WDPCP: variants seen among roughly 807,000 people sequenced by gnomAD.
The protein encoded by WDPCP is WD repeat-containing and planar cell polarity effector protein fritz homolog.
WDPCP carries 71 observed loss-of-function variants against 93.1 expected under a neutral mutation model. The ratio of observed to expected loss-of-function variants is 0.76; its 90% confidence interval spans 0.63 to 0.93. The LOEUF (loss-of-function observed/expected upper bound fraction) is 0.93, where lower values mean the gene tolerates loss of function less well. Ranked by LOEUF, WDPCP falls within the 40% of genes least tolerant of loss-of-function variation. WDPCP has a pLI of 0.00. For synonymous variants in WDPCP, 315 were observed against 315.0 expected (o/e 1.00, Z 0.00); for missense variants, 844 against 887.4 (o/e 0.95, Z 0.62).
intron 2 of WDPCP, among the ~76,000 whole-genome samples, chr2:63,492,062 T>G (rs1700910583): frequency 1.2e-5 from 1 of 81,012 alleles, no homozygotes; most frequent in African/African-American, 5.6e-5. Flanking sequence ...TCTTTATACA[T>G]TTTAAAGCAG....
chr2:63,153,206 A>C, intron 16 of WDPCP: 3 of 555,116 alleles, frequency 5.4e-6, no homozygotes, highest in Admixed American at 3.3e-5. Flanking sequence ...ATATCACTTG[A>C]GAGCTTATTA....
At chr2:63,457,606 A>G (rs1698710364) in intron 6 of WDPCP, among the ~76,000 whole-genome samples, 1 of 152,218 alleles carries the variant, frequency 6.6e-6, no homozygotes, top group Admixed American at 6.5e-5. Flanking sequence ...ATAATATATC[A>G]TGATCAAGAA....
chr2:63,382,004 C>G lies in WDPCP; in HGVS notation c.1526G>C (p.Ser509Thr). 6.2e-7 allele frequency: 1 copy of G among 1,613,516 alleles called. No homozygotes were observed. The highest frequency in any genetic ancestry group is 2.2e-5 in the East Asian group (1 of 44,788). ...DEIYEAINIL[S>T]SMNWDTLGHQ... is the part of the protein sequence containing the mutation. ...GCCCAGAGTGTCCCAGTTCATGCTG[C>G]TCAGGATGTTTATTGCCTCATAGAT... Residue 509 changes from serine (S) to threonine (T), a missense_variant, in exon 11 of 18, where the codon AGC becomes ACC. Physicochemically the swap from Ser to Thr is moderately conservative, Grantham distance 58. Coordinates refer to ENST00000272321, the MANE Select transcript of WDPCP (RefSeq NM_015910.7).
chr2:63,271,837 C>A (rs1308511420), intron 13 of WDPCP, among the ~76,000 whole-genome samples: 4 of 152,196 alleles, frequency 2.6e-5, no homozygotes, highest in African/African-American at 9.7e-5. Flanking sequence ...CATCAACCTA[C>A]ATGTGCCACC....
chr2:63,703,210 G>A (rs1160276445), intron 2 of WDPCP, among the ~76,000 whole-genome samples: 1 of 152,180 alleles, frequency 6.6e-6, no homozygotes, highest in South Asian at 2.1e-4. Flanking sequence ...ATAGCAGCAT[G>A]ATTTATAATC....
chr2:63,758,341 G>A lies in WDPCP; in HGVS notation n.308+55281C>T, dbSNP rs373151599. Among the ~76,000 whole-genome samples the A allele has an allele frequency of 7.2e-5, 11 of 151,972 alleles. 1 individual carries two copies. In the East Asian group the frequency reaches 7.7e-4, roughly 11 times the overall value. ...GGAGAGAAAAACACTGAAATTATGA[G>A]GGCCTCAATGAAAGTTTACCAAAAA... On this transcript the variant is annotated intron_variant and non_coding_transcript_variant, in intron 2 of 4. Transcript: ENST00000467687.
At chr2:63,775,092 G>A (rs539508106) in intron 2 of WDPCP, among the ~76,000 whole-genome samples, 66 of 152,258 alleles carry the variant, frequency 4.3e-4, no homozygotes, top group African/African-American at 1.6e-3. Context: ...TCAACAAGCA[G>A]CATAGAAAAG....
At chr2:63,747,387 C>A (rs890463812) in intron 2 of WDPCP, among the ~76,000 whole-genome samples, 3 of 151,840 alleles carry the variant, frequency 2.0e-5, no homozygotes, top group Non-Finnish European at 4.4e-5. Context: ...GGATATTTTC[C>A]TATGTATTTT....
chr2:63,496,083 TTA>T (rs1701207151), intron 1 of WDPCP, among the ~76,000 whole-genome samples: 1 of 152,308 alleles, frequency 6.6e-6, no homozygotes, highest in African/African-American at 2.4e-5. Flanking sequence ...ATTCTTCAAT[TTA>T]GTTTTTATTC....
At chr2:63,523,937 T>C (rs1201758815) in intron 1 of WDPCP, among the ~76,000 whole-genome samples, 1 of 151,892 alleles carries the variant, frequency 6.6e-6, no homozygotes, top group Non-Finnish European at 1.5e-5. Context: ...AAAAGCAATG[T>C]ATAAAAATCA....
At chr2:63,605,292 C>T (rs1370337849) in intron 3 of WDPCP, 3 of 1,612,482 alleles carry the variant, frequency 1.9e-6, no homozygotes, top group Non-Finnish European at 2.5e-6. Context: ...TGTGCAGCAG[C>T]GTGGCGCTGC....
intron 17 of WDPCP, among the ~76,000 whole-genome samples, chr2:63,136,996 T>C (rs1670667525): frequency 6.6e-6 from 1 of 152,230 alleles, no homozygotes; most frequent in Non-Finnish European, 1.5e-5. Context: ...GTCTTTGCTA[T>C]TGTGACTAGT....
intron 15 of WDPCP, among the ~76,000 whole-genome samples, chr2:63,159,436 A>G (rs748874409): frequency 2.4e-4 from 36 of 152,200 alleles, no homozygotes; most frequent in Non-Finnish European, 3.7e-4. Context: ...AAAGTTTGTC[A>G]GATAATTCCA....
intron 2 of WDPCP, among the ~76,000 whole-genome samples, chr2:63,657,882 T>G (rs1275574601): frequency 6.6e-6 from 1 of 152,098 alleles, no homozygotes; most frequent in African/African-American, 2.4e-5. Context: ...TGTCCACCCC[T>G]CACCACCTAC....
intron 6 of WDPCP, among the ~76,000 whole-genome samples, chr2:63,477,000 G>A (rs969689475): frequency 3.3e-5 from 5 of 152,134 alleles, no homozygotes; most frequent in African/African-American, 1.2e-4. Context: ...TGTTATGGAT[G>A]GAAACCATGG....
At chr2:63,726,968 G>A (rs755389133) in intron 2 of WDPCP, among the ~76,000 whole-genome samples, 6 of 152,060 alleles carry the variant, frequency 3.9e-5, no homozygotes, top group Non-Finnish European at 5.9e-5. Context: ...CATTTTCTAG[G>A]TACAGAAGCA....
intron 3 of WDPCP, chr2:63,605,371 A>G: frequency 6.2e-7 from 1 of 1,614,102 alleles, no homozygotes; most frequent in Non-Finnish European, 8.5e-7. Flanking sequence ...CACGTCAGGG[A>G]CATCTGGTTT....
At chr2:63,665,333 T>C (rs1353269240) in intron 2 of WDPCP, among the ~76,000 whole-genome samples, 2 of 152,318 alleles carry the variant, frequency 1.3e-5, no homozygotes, top group Admixed American at 6.5e-5. Flanking sequence ...CTGATGTTCC[T>C]TGGCCTGTAA....
intron 1 of WDPCP, among the ~76,000 whole-genome samples, chr2:63,561,255 G>A (rs944238701): frequency 6.6e-6 from 1 of 152,124 alleles, no homozygotes; most frequent in Non-Finnish European, 1.5e-5. Flanking sequence ...GAGGTAGGCG[G>A]ATCATGAGGT....
Sources: gnomAD v4.1 joint callset for allele counts (sites outside exome capture counted in the v4.1 genomes callset) on GRCh38, gnomAD v4.1.1 for gene constraint, MANE v1.5 for transcripts, NCBI Gene and HGNC (gene_info 2026-07-23, HGNC 2026-07-21) for gene names.